COL5A2: variants seen among roughly 807,000 people sequenced by gnomAD.
The protein encoded by COL5A2 is collagen type V alpha 2 chain, also known as collagen alpha-2(V) chain.
COL5A2 carries 23 observed loss-of-function variants against 208.2 expected under a neutral mutation model. The ratio of observed to expected loss-of-function variants is 0.11; its 90% CI spans 0.08 to 0.16. The LOEUF (loss-of-function observed/expected upper bound fraction) is 0.16. Ranked by LOEUF, COL5A2 falls within the 10% of genes least tolerant of loss-of-function variation. The pLI, the probability that COL5A2 is intolerant of heterozygous loss-of-function variation, is 1.00. For synonymous variants in COL5A2, 625 were observed against 628.5 expected (o/e 0.99, Z 0.08); for missense variants, 1,590 against 1,956.4 (o/e 0.81, Z 3.53).
At chr2:189,126,433 GTTT>G (rs929251821) in intron 1 of COL5A2, among the ~76,000 whole-genome samples, 2 of 151,856 alleles carry the variant, frequency 1.3e-5, no homozygotes, top group Non-Finnish European at 2.9e-5. Flanking sequence ...TTAAAAATAA[GTTT>G]TTTTATTTCT....
the COL5A2 span, among the ~76,000 whole-genome samples, chr2:189,421,531 T>C: frequency 0.013 from 1,917 of 151,908 alleles, 34 homozygotes; most frequent in African/African-American, 0.044. Context: ...CACCATCTGC[T>C]TGGGGGAAAG....
At chr2:189,423,016 T>C in the COL5A2 span, among the ~76,000 whole-genome samples, 1 of 109,058 alleles carries the variant, frequency 9.2e-6, no homozygotes, top group Non-Finnish European at 1.9e-5. Context: ...AGAGCGAAAC[T>C]CTGTCTCAAA....
the COL5A2 span, among the ~76,000 whole-genome samples, chr2:189,293,959 G>A: frequency 6.6e-6 from 1 of 152,038 alleles, no homozygotes; most frequent in Non-Finnish European, 1.5e-5. Context: ...ATGGTGGCGG[G>A]CGCCTGTAGT....
At chr2:189,254,332 G>C in the COL5A2 span, among the ~76,000 whole-genome samples, 1 of 152,230 alleles carries the variant, frequency 6.6e-6, no homozygotes, top group Admixed American at 6.5e-5. Flanking sequence ...GCAGGCATCT[G>C]AATGTTTTAC....
the COL5A2 span, among the ~76,000 whole-genome samples, chr2:189,376,453 G>T: frequency 6.6e-6 from 1 of 151,944 alleles, no homozygotes. Context: ...AGTGAATTTT[G>T]ACTTCTCTCC....
the COL5A2 span, among the ~76,000 whole-genome samples, chr2:189,416,699 C>CT: frequency 1.3e-5 from 2 of 152,136 alleles, no homozygotes; most frequent in Non-Finnish European, 2.9e-5. Context: ...TACCCTAAAA[C>CT]TTAAAGTATA....
chr2:189,331,418 C>A, the COL5A2 span, among the ~76,000 whole-genome samples: 1 of 152,084 alleles, frequency 6.6e-6, no homozygotes, highest in Non-Finnish European at 1.5e-5. Context: ...AATCCCAAAT[C>A]TCATCTTGCA....
chr2:189,064,480 A>G, intron 25 of COL5A2, 77 bp downstream of exon 25: 1 of 1,027,542 alleles, frequency 9.7e-7, no homozygotes, highest in South Asian at 1.3e-5. Flanking sequence ...AAATTTAAAA[A>G]CAAACAAAAA....
chr2:189,362,787 A>C, the COL5A2 span, among the ~76,000 whole-genome samples: 1 of 152,164 alleles, frequency 6.6e-6, no homozygotes. Context: ...AGCAAACAAC[A>C]TAAAATAGAG....
At chr2:189,345,747 T>C in the COL5A2 span, among the ~76,000 whole-genome samples, 5 of 152,220 alleles carry the variant, frequency 3.3e-5, no homozygotes, top group South Asian at 6.2e-4. Context: ...AAGAACCAGA[T>C]TGTAGAGGTT....
intron 13 of COL5A2, among the ~76,000 whole-genome samples, chr2:189,080,773 T>C (rs571938732): frequency 6.6e-6 from 1 of 152,300 alleles, no homozygotes; most frequent in South Asian, 2.1e-4. Context: ...GTCCAGTACA[T>C]AGTAAGAATT....
chr2:189,301,406 G>A, the COL5A2 span, among the ~76,000 whole-genome samples: 2 of 152,070 alleles, frequency 1.3e-5, no homozygotes, highest in East Asian at 1.9e-4. Flanking sequence ...TTAAATACTT[G>A]GGAAATAAGA....
the COL5A2 span, among the ~76,000 whole-genome samples, chr2:189,358,827 A>T: frequency 2.0e-5 from 3 of 151,406 alleles, no homozygotes; most frequent in African/African-American, 7.3e-5. Context: ...TACTTTTTGT[A>T]GCTATTATAA....
At chr2:189,389,005 C>T in the COL5A2 span, among the ~76,000 whole-genome samples, 1 of 152,100 alleles carries the variant, frequency 6.6e-6, no homozygotes, top group African/African-American at 2.4e-5. Context: ...TAGTTATGAT[C>T]AAATATTGTA....
At chr2:189,124,297 A>G (rs1026726324) in intron 1 of COL5A2, among the ~76,000 whole-genome samples, 3 of 152,022 alleles carry the variant, frequency 2.0e-5, no homozygotes, top group Non-Finnish European at 4.4e-5. Flanking sequence ...ATCCGGTGAA[A>G]TTCCCCCTAG....
At chr2:189,418,100 T>A in the COL5A2 span, among the ~76,000 whole-genome samples, 1 of 152,150 alleles carries the variant, frequency 6.6e-6, no homozygotes, top group South Asian at 2.1e-4. Flanking sequence ...ATGAAGTATA[T>A]GACTGATTTA....
the COL5A2 span, among the ~76,000 whole-genome samples, chr2:189,390,871 G>T: frequency 6.6e-6 from 1 of 152,068 alleles, no homozygotes; most frequent in Non-Finnish European, 1.5e-5. Context: ...CACTTAATAA[G>T]GCATCCATAA....
intron 1 of COL5A2, among the ~76,000 whole-genome samples, chr2:189,223,029 C>T (rs1310992641): frequency 6.6e-6 from 1 of 152,078 alleles, no homozygotes; most frequent in Non-Finnish European, 1.5e-5. Flanking sequence ...TAAATAAATA[C>T]TAAATTTCAA....
chr2:189,052,839 C>G, intron 39 of COL5A2, 37 bp from the exon 40 acceptor site: 1 of 1,612,968 alleles, frequency 6.2e-7, no homozygotes, highest in Non-Finnish European at 8.5e-7. Context: ...TATAGTGAAG[C>G]AAAAGAGGCT....
Sources: gnomAD v4.1 joint callset for allele counts (sites outside exome capture counted in the v4.1 genomes callset) on GRCh38, gnomAD v4.1.1 for gene constraint, MANE v1.5 for transcripts, NCBI Gene and HGNC (gene_info 2026-07-23, HGNC 2026-07-21) for gene names.